MOCS2: variants seen among roughly 807,000 people sequenced by gnomAD.
MOCS2 encodes the protein molybdopterin synthase catalytic subunit.
A neutral mutation model predicts 21.9 loss-of-function variants in MOCS2; 13 were observed. That is an observed-to-expected ratio of 0.59 (90% CI 0.39 to 0.94). MOCS2 has a LOEUF of 0.94. MOCS2 is among the 40% of genes least tolerant of loss of function. The pLI is 0.00. For missense variants in MOCS2, 227 were observed against 218.3 expected (o/e 1.04, Z -0.25); for synonymous variants, 92 against 80.8 (o/e 1.14, Z -0.74).
In MOCS2 at chr5:53,098,635, T is replaced by C. The variant is rs773157839; in HGVS notation, c.534A>G (p.Gly178=). ...TGGATGCCCAAAAGCACTCTTTGTTTCCTTTCCAAGTTGATGACTCTTCGT... is the reference window on the plus strand; with the variant it reads ...TGGATGCCCAAAAGCACTCTTTGTTCCCTTTCCAAGTTGATGACTCTTCGT... ...EIYEESSTWK[G]NKECFWASNS Residue 178 remains glycine (G), a synonymous_variant, in exon 7 of 7, where the codon GGA becomes GGG. Coordinates refer to ENST00000396954, the MANE Select transcript of MOCS2 (RefSeq NM_004531.5). 1 of 1,613,918 alleles carries C rather than the reference T, an allele frequency of 6.2e-7. No homozygotes were observed. The highest frequency in any genetic ancestry group is 1.7e-5 in the Admixed American group (1 of 60,004).
chr5:53,103,678 A>G (rs1740976956), intron 3 of MOCS2, among the ~76,000 whole-genome samples: 1 of 152,232 alleles, frequency 6.6e-6, no homozygotes, highest in South Asian at 2.1e-4. Context: ...CAGCGTGCTT[A>G]CATTCAAATA....
At chr5:53,100,367 A>G (rs550759091) in intron 6 of MOCS2, 44 bp downstream of exon 6, 1 of 1,611,806 alleles carries the variant, frequency 6.2e-7, no homozygotes, top group South Asian at 1.1e-5. Flanking sequence ...ATTCCTGAGA[A>G]AAATCAGGTC....
rs564536296 is a variant in MOCS2 at position 53,107,170 on chromosome 5, G to A, written c.5C>T (p.Ser2Leu). 22 of 1,613,888 alleles carry A rather than the reference G, an allele frequency of 1.4e-5. No homozygotes were observed. In the African/African-American group the frequency reaches 1.9e-4, roughly 14 times the overall value. M[S>L]SLEISSSCFS... is the part of the protein sequence containing the mutation. ...GCACGAGGAGCTGATCTCCAAGCTCGACATATTCTTGACGAACAGCAAATA... is the reference window on the plus strand; with the variant it reads ...GCACGAGGAGCTGATCTCCAAGCTCAACATATTCTTGACGAACAGCAAATA... The change falls in exon 3 of 7, where the codon TCG (serine) becomes TTG (leucine). Residue 2 changes from serine to leucine, a missense_variant. By Grantham distance (145) the Ser-to-Leu change is moderately radical. Coordinates refer to ENST00000396954, the MANE Select transcript of MOCS2 (RefSeq NM_004531.5).
In MOCS2 at chr5:53,097,390, T is replaced by G. The variant is rs1238310403; in HGVS notation, c.*1212A>C. 1 of 152,208 alleles carries G rather than the reference T, an allele frequency of 6.6e-6. No homozygotes were observed. Among genetic ancestry groups the G allele is most frequent in the East Asian group, 1.9e-4 (1 of 5,198 alleles). The allele number at this position is 152,208 out of a possible 1,614,324, so 9.4% of individuals were successfully genotyped here. A position where few individuals can be genotyped will look rare whatever the true frequency, so the allele number is the denominator to read the frequency against. On this transcript the variant is annotated 3_prime_UTR_variant, in exon 7 of 7. Coordinates refer to ENST00000396954, the MANE Select transcript of MOCS2 (RefSeq NM_004531.5). ...AATATTTGTTGAATAAATGGGTTCC[T>G]TAGGTAAAAGATGTTTTCACTACAT...
chr5:53,100,393 G>C lies in MOCS2; in HGVS notation c.501+18C>G. ...AAATCAGGTCCACATGCTAAAATGT[G>C]TTATTTTCTTAACTTACCTTTTTCC... On this transcript the variant is annotated intron_variant, in intron 6 of 6. Coordinates refer to ENST00000396954, the MANE Select transcript of MOCS2 (RefSeq NM_004531.5). 6.2e-7 allele frequency: 1 copy of C among 1,613,422 alleles called. No individual in the cohort carries two copies. The highest frequency in any genetic ancestry group is 1.1e-5 in the South Asian group (1 of 91,064).
chr5:53,105,737 T>A (rs1012741590), intron 3 of MOCS2, among the ~76,000 whole-genome samples: 1 of 152,156 alleles, frequency 6.6e-6, no homozygotes, highest in Non-Finnish European at 1.5e-5. Context: ...TGGGATCTAA[T>A]TAAACTAAAG....
chr5:53,105,339 C>T (rs888677745), intron 3 of MOCS2, among the ~76,000 whole-genome samples: 30 of 152,082 alleles, frequency 2.0e-4, no homozygotes, highest in African/African-American at 7.0e-4. Flanking sequence ...CACAGGGCTA[C>T]AGTAACCAAA....
chr5:53,105,196 G>C (rs1291034774), intron 3 of MOCS2, among the ~76,000 whole-genome samples: 1 of 151,960 alleles, frequency 6.6e-6, no homozygotes, highest in East Asian at 1.9e-4. Flanking sequence ...TCTAGTATTA[G>C]TAAGTGTGGT....
chr5:53,108,466 T>C, intron 2 of MOCS2, 56 bp downstream of exon 2: 6 of 1,470,192 alleles, frequency 4.1e-6, no homozygotes, highest in South Asian at 2.5e-5. Flanking sequence ...TTATCATTTA[T>C]GTATTTTGAA....
intron 4 of MOCS2, 84 bp downstream of exon 4, chr5:53,102,013 C>T (rs1740923689): frequency 7.0e-7 from 1 of 1,436,666 alleles, no homozygotes. Flanking sequence ...ATTTCAAACT[C>T]CTCCGTTAAC....
intron 1 of MOCS2, 71 bp from the exon 2 acceptor site, chr5:53,108,714 C>A: frequency 6.7e-7 from 1 of 1,499,826 alleles, no homozygotes; most frequent in Admixed American, 2.2e-5. Context: ...GAGCAGTTTT[C>A]TCATTTTCCA....
chr5:53,109,061 T>C (rs1034990145), intron 1 of MOCS2, among the ~76,000 whole-genome samples, 190 bp downstream of exon 1: 2 of 152,246 alleles, frequency 1.3e-5, no homozygotes, highest in African/African-American at 4.8e-5. Flanking sequence ...TTCTCACGGT[T>C]GTCAAATGAC....
Position 53,101,395 on chromosome 5 carries a change from C to T in MOCS2, c.341G>A (p.Trp114Ter). Residue 114 changes from tryptophan to a stop codon, truncating the protein, a stop_gained, in exon 5 of 7, where the codon TGG becomes TAG. Coordinates refer to ENST00000396954, the MANE Select transcript of MOCS2 (RefSeq NM_004531.5). LOFTEE classifies it high-confidence loss of function. ...RKICSDIRQK[W>*]PVKHIAVFHR... ...GAACACTGCTATGTGTTTGACTGGC[C>T]ATTTCTGCCTAATGTCACTACAAAT... is the stretch of plus-strand genomic sequence containing the variant. 1.2e-6 allele frequency: 2 copies of T among 1,613,880 alleles called. No homozygotes were observed. The highest frequency in any genetic ancestry group is 1.7e-6 in the Non-Finnish European group (2 of 1,179,938).
At position 53,108,631 on chromosome 5, in the gene MOCS2, A is replaced by G; in HGVS notation, c.-157T>C. 1 of 1,613,384 alleles carries G rather than the reference A, an allele frequency of 6.2e-7. No homozygotes were observed. Among genetic ancestry groups the G allele is most frequent in the Non-Finnish European group, 8.5e-7 (1 of 1,179,674 alleles). ...GTTATTTCAGCACTTTTTGCAAAAT[A>G]CAATACTTCAACCTGAAAGTAAAGA... On this transcript the variant is annotated 5_prime_UTR_variant, in exon 2 of 7. Coordinates refer to ENST00000396954, the MANE Select transcript of MOCS2 (RefSeq NM_004531.5).
chr5:53,100,481 C>A lies in MOCS2; in HGVS notation c.431G>T (p.Arg144Ile). Residue 144 changes from arginine (R) to isoleucine (I), a missense_variant, in exon 6 of 7, where the codon AGA becomes ATA. Coordinates refer to ENST00000396954, the MANE Select transcript of MOCS2 (RefSeq NM_004531.5). Reference sequence around the variant, plus strand: ...GCTCACAGCTTCAAGAGATGCAGCTCTGTGGGCTGAGGACACAGCAATGAT... The same window carrying A: ...GCTCACAGCTTCAAGAGATGCAGCTATGTGGGCTGAGGACACAGCAATGAT... ...SIIIAVSSAH[R>I]AASLEAVSYA... The A allele has an allele frequency of 6.2e-7, 1 of 1,613,746 alleles. No individual in the cohort carries two copies. Among genetic ancestry groups the A allele is most frequent in the East Asian group, 2.2e-5 (1 of 44,860 alleles).
In MOCS2 at chr5:53,107,134, T is replaced by C; in HGVS notation, c.41A>G (p.Glu14Gly). 1 of 1,614,122 alleles carries C rather than the reference T, an allele frequency of 6.2e-7. No individual in the cohort carries two copies. ...LEISSSCFSL[E>G]TKLPLSPPLV... is the part of the protein sequence containing the mutation. The stretch of plus-strand genomic sequence containing the variant: ...TGGGGGGGATAACGGCAATTTCGTC[T>C]CCAGGCTGAAGCACGAGGAGCTGAT... The change falls in exon 3 of 7, where the codon GAG (glutamate) becomes GGG (glycine). Residue 14 changes from glutamate to glycine, a missense_variant. Physicochemically the swap from Glu to Gly is moderately conservative, Grantham distance 98. Transcript: ENST00000396954.
rs979483265 is a variant in MOCS2 at position 53,109,571 on chromosome 5, C to G, written c.-490G>C. 2.2e-6 allele frequency: 3 copies of G among 1,348,712 alleles called. No individual in the cohort carries two copies. The East Asian group carries it at 8.4e-5, about 38-fold the overall frequency. The allele number at this position is 1,348,712 out of a possible 1,614,324, so 83.5% of individuals were successfully genotyped here. On this transcript the variant is annotated 5_prime_UTR_variant, in exon 1 of 7. Coordinates refer to ENST00000396954, the MANE Select transcript of MOCS2 (RefSeq NM_004531.5). The stretch of plus-strand genomic sequence containing the variant: ...CCCGGGGGCGGGGGCGGGGGCGCCC[C>G]CGAACCCAAGACGCCGGCCAGGTTG...
Position 53,101,967 on chromosome 5 carries a change from C to G in MOCS2, c.226+130G>C. 5.4e-6 allele frequency: 5 copies of G among 931,588 alleles called. No individual in the cohort carries two copies. In the South Asian group the frequency reaches 7.4e-5, roughly 14 times the overall value. The allele number at this position is 931,588 out of a possible 1,614,324, so 57.7% of individuals were successfully genotyped here. ...AAAACAAGAACTAAAAAAAAGTCTA[C>G]CCACCATCATCGGTAATCTTGGTTT... is the stretch of plus-strand genomic sequence containing the variant. On this transcript the variant is annotated intron_variant, in intron 4 of 6. Coordinates refer to ENST00000396954, the MANE Select transcript of MOCS2 (RefSeq NM_004531.5).
chr5:53,109,533 G>C lies in MOCS2; in HGVS notation c.-452C>G. 1 of 1,381,736 alleles carries C rather than the reference G, an allele frequency of 7.2e-7. No homozygotes were observed. The highest frequency in any genetic ancestry group is 1.5e-5 in the African/African-American group (1 of 66,092). 85.6% of individuals were successfully genotyped at this position (1,381,736 alleles called of 1,614,324 possible). A position where few individuals can be genotyped will look rare whatever the true frequency, so the allele number is the denominator to read the frequency against. On this transcript the variant is annotated 5_prime_UTR_variant, in exon 1 of 7. Transcript: ENST00000396954. ...GCTGGGGCAGTCGCAGTAAAGCCCG[G>C]AGACAGGAAGGGCCCGGGGGCGGGG... is the stretch of plus-strand genomic sequence containing the variant.
Sources: allele counts gnomAD v4.1 joint callset (sites outside exome capture counted in the v4.1 genomes callset), GRCh38; gene constraint gnomAD v4.1.1; transcripts MANE v1.5; gene names NCBI Gene and HGNC (gene_info 2026-07-23, HGNC 2026-07-21).